Variants in LYZL1 observed in about 807,000 individuals in gnomAD.
The protein encoded by LYZL1 is lysozyme-like protein 1.
A neutral mutation model predicts 17.9 loss-of-function variants in LYZL1; 16 were observed. The observed-to-expected ratio is 0.90, with a 90% CI of 0.61 to 1.36. LYZL1 has a LOEUF of 1.36. Ranked by LOEUF, LYZL1 falls within the 40% of genes most tolerant of loss-of-function variation. The pLI, the probability that LYZL1 is intolerant of heterozygous loss-of-function variation, is 0.00. For synonymous variants in LYZL1, 58 were observed against 71.8 expected, an observed-to-expected ratio of 0.81 and a Z score of 0.97; for missense variants, 149 against 188.4, an observed-to-expected ratio of 0.79 and a Z score of 1.22.
At chr10:29,295,307 TAC>T (rs1205350569) in intron 3 of LYZL1, among the ~76,000 whole-genome samples, 2 of 152,254 alleles carry the variant, frequency 1.3e-5, no homozygotes, top group Non-Finnish European at 2.9e-5. Flanking sequence ...TGCTTTATGT[TAC>T]ACATAAAAAC....
In LYZL1 at chr10:29,292,507, TC is replaced by T; in HGVS notation, c.140-6del. 6.2e-7 allele frequency: 1 copy of T among 1,610,978 alleles called. No individual in the cohort carries two copies. Among genetic ancestry groups the T allele is most frequent in the Non-Finnish European group, 8.5e-7 (1 of 1,178,802 alleles). On this transcript the variant is annotated splice_polypyrimidine_tract_variant and intron_variant, in intron 2 of 4. Transcript: ENST00000649382. ...CTTCCTTTGCTGGCGTTTCTGGCTTTCCCCCCTCCAGGGATCTGCATGGCAT... is the reference window on the plus strand; with the variant it reads ...CTTCCTTTGCTGGCGTTTCTGGCTTTCCCCCTCCAGGGATCTGCATGGCAT...
At chr10:29,311,678 G>C (rs1185001299), downstream of LYZL1, among the ~76,000 whole-genome samples, 1 of 152,056 alleles carries the variant, frequency 6.6e-6, no homozygotes, top group Non-Finnish European at 1.5e-5. Flanking sequence ...GACATATTTT[G>C]CTATTAAAGA....
intron 3 of LYZL1, among the ~76,000 whole-genome samples, chr10:29,302,803 G>A (rs1835538913): frequency 6.6e-6 from 1 of 152,120 alleles, no homozygotes; most frequent in East Asian, 1.9e-4. Flanking sequence ...TACCTATCCT[G>A]CCTCATATGC....
At chr10:29,299,848 T>C (rs1835494011) in intron 3 of LYZL1, among the ~76,000 whole-genome samples, 1 of 152,244 alleles carries the variant, frequency 6.6e-6, no homozygotes, top group Non-Finnish European at 1.5e-5. Flanking sequence ...AGATAGCATA[T>C]AGTTATGTGT....
In LYZL1 at chr10:29,307,832, A is replaced by C. The variant is rs372915069; in HGVS notation, c.299-2278A>C. On this transcript the variant is annotated intron_variant, in intron 3 of 4. Coordinates refer to ENST00000649382, the MANE Select transcript of LYZL1 (RefSeq NM_032517.6). ...CTAGCATCATGACTGTTTCCTTAGGATAGATCTGGAGAGATAAATTATTAG... is the reference window on the plus strand; with the variant it reads ...CTAGCATCATGACTGTTTCCTTAGGCTAGATCTGGAGAGATAAATTATTAG... 5.9e-5 allele frequency among the ~76,000 whole-genome samples: 9 copies of C among 152,272 alleles called. No individual in the cohort carries two copies. The South Asian group carries it at 1.9e-3, about 32-fold the overall frequency.
chr10:29,306,575 AGAAAAAAT>A (rs1835596538), intron 3 of LYZL1, among the ~76,000 whole-genome samples: 1 of 141,926 alleles, frequency 7.0e-6, no homozygotes, highest in South Asian at 2.3e-4. Flanking sequence ...AAAAAAAAAA[AGAAAAAAT>A]AAGGAACTAA....
intron 3 of LYZL1, among the ~76,000 whole-genome samples, chr10:29,301,170 A>G (rs1835514015): frequency 1.3e-5 from 2 of 152,128 alleles, no homozygotes; most frequent in African/African-American, 4.8e-5. Flanking sequence ...GAGTCTCACA[A>G]GATCTGATGG....
rs544923310 is a variant in LYZL1, at chr10:29,289,484, T to C, written c.-26+254T>C. On this transcript the variant is annotated intron_variant, in intron 1 of 4. Coordinates refer to ENST00000649382, the MANE Select transcript of LYZL1 (RefSeq NM_032517.6). ...CCCAGGCTGGAGTGCAGTGTCACAA[T>C]CATGGCTCACTATGGCCTCAAACTC... Among the ~76,000 whole-genome samples, 4 of 148,284 alleles carry C rather than the reference T, an allele frequency of 2.7e-5. No individual in the cohort carries two copies. The South Asian group carries it at 8.7e-4, about 32-fold the overall frequency.
intron 3 of LYZL1, among the ~76,000 whole-genome samples, chr10:29,309,376 T>C (rs1835640403): frequency 6.6e-6 from 1 of 152,076 alleles, no homozygotes; most frequent in Non-Finnish European, 1.5e-5. Flanking sequence ...AAACCCTGGA[T>C]AAAAATTTTT....
At chr10:29,303,577 C>T (rs1026139199) in intron 3 of LYZL1, among the ~76,000 whole-genome samples, 2 of 152,192 alleles carry the variant, frequency 1.3e-5, no homozygotes, top group South Asian at 2.1e-4. Flanking sequence ...AAAGGTCTAT[C>T]TGCAAGACAA....
In LYZL1 at chr10:29,289,163, A is replaced by C; in HGVS notation, c.-93A>C. Reference sequence around the variant, plus strand: ...CTGCCTGTCACCGACTAAGTGGAGCAGTGTTTCTTCCGCAGACTCAACTGA... The same window carrying C: ...CTGCCTGTCACCGACTAAGTGGAGCCGTGTTTCTTCCGCAGACTCAACTGA... On this transcript the variant is annotated 5_prime_UTR_variant, in exon 1 of 5. Coordinates refer to ENST00000649382, the MANE Select transcript of LYZL1 (RefSeq NM_032517.6). 1.2e-6 allele frequency: 2 copies of C among 1,606,464 alleles called. No individual in the cohort carries two copies. The highest frequency in any genetic ancestry group is 1.7e-6 in the Non-Finnish European group (2 of 1,175,624).
At chr10:29,309,982 C>A in intron 3 of LYZL1, 128 bp from the exon 4 acceptor site, 1 of 628,586 alleles carries the variant, frequency 1.6e-6, no homozygotes, top group Non-Finnish European at 2.7e-6. Flanking sequence ...TGTGGCTTTG[C>A]AGGCAAAATC....
chr10:29,298,019 C>T (rs185044710), intron 3 of LYZL1, among the ~76,000 whole-genome samples: 2 of 152,312 alleles, frequency 1.3e-5, no homozygotes, highest in African/African-American at 4.8e-5. Flanking sequence ...AGAATGAGTA[C>T]ACTTTCTGAG....
exon 5 of LYZL1, chr10:29,318,178 C>T: frequency 2.0e-6 from 2 of 985,332 alleles, no homozygotes; most frequent in Non-Finnish European, 2.4e-6. Context: ...TTCCAAACTA[C>T]AAGGGAAAAA....
chr10:29,306,475 G>A (rs1475516877), intron 3 of LYZL1, among the ~76,000 whole-genome samples: 4 of 137,032 alleles, frequency 2.9e-5, no homozygotes, highest in Non-Finnish European at 6.2e-5. Context: ...GCGTGAACCC[G>A]GGAGGCGGAG....
downstream of LYZL1, among the ~76,000 whole-genome samples, chr10:29,313,091 C>T (rs117192536): frequency 2.8e-4 from 42 of 152,234 alleles, no homozygotes; most frequent in African/African-American, 5.5e-4. Context: ...GCTTTAAGAA[C>T]GCCTAACCGC....
Position 29,302,502 on chromosome 10 carries a change from G to A in LYZL1, c.299-7608G>A, listed in dbSNP as rs557599185. On this transcript the variant is annotated intron_variant, in intron 3 of 4. Coordinates refer to ENST00000649382, the MANE Select transcript of LYZL1 (RefSeq NM_032517.6). Reference sequence around the variant, plus strand: ...TGTTGCTAGTAAGCATGTTCTGGGCGGTCCTCTTCGTGCATTTGCGCAGTA... The same window carrying A: ...TGTTGCTAGTAAGCATGTTCTGGGCAGTCCTCTTCGTGCATTTGCGCAGTA... 1.4e-3 allele frequency among the ~76,000 whole-genome samples: 214 copies of A among 152,192 alleles called. 1 individual carries two copies. Among genetic ancestry groups the A allele is most frequent in the African/African-American group, 4.5e-3 (188 of 41,514 alleles).
At chr10:29,307,057 C>T (rs1175531902) in intron 3 of LYZL1, among the ~76,000 whole-genome samples, 1 of 152,040 alleles carries the variant, frequency 6.6e-6, no homozygotes. Context: ...CTTCACCATG[C>T]TGGCCAGGTT....
chr10:29,305,730 T>C (rs904720988), intron 3 of LYZL1, among the ~76,000 whole-genome samples: 6 of 152,238 alleles, frequency 3.9e-5, no homozygotes, highest in South Asian at 4.1e-4. Flanking sequence ...ACTGATGATA[T>C]ATTTTGTCAG....
Sources: gnomAD v4.1 joint callset for allele counts (sites outside exome capture counted in the v4.1 genomes callset) on GRCh38, gnomAD v4.1.1 for gene constraint, MANE v1.5 for transcripts, NCBI Gene and HGNC (gene_info 2026-07-23, HGNC 2026-07-21) for gene names.